Variants in PPM1L observed in about 807,000 individuals in gnomAD.
PPM1L encodes protein phosphatase, Mg2+/Mn2+ dependent 1L.
PPM1L carries 13 observed loss-of-function variants against 31.4 expected under a neutral mutation model. The observed-to-expected ratio is 0.41, with a 90% CI of 0.27 to 0.66. The LOEUF (loss-of-function observed/expected upper bound fraction) is 0.66, where lower values mean the gene tolerates loss of function less well. Ranked by LOEUF, PPM1L falls within the 30% of genes least tolerant of loss-of-function variation. The pLI is 0.29. For synonymous variants in PPM1L, 184 were observed against 175.4 expected, an observed-to-expected ratio of 1.05 and a Z score of -0.39; for missense variants, 326 against 453.7, an observed-to-expected ratio of 0.72 and a Z score of 2.56.
chr3:160,815,291 G>A (rs545123493), intron 1 of PPM1L, among the ~76,000 whole-genome samples: 20 of 152,138 alleles, frequency 1.3e-4, no homozygotes, highest in Admixed American at 5.2e-4. Flanking sequence ...ACTCTTTTAC[G>A]AGGCTATATT....
intron 2 of PPM1L, among the ~76,000 whole-genome samples, chr3:161,037,660 G>A (rs1043400548): frequency 7.0e-6 from 1 of 141,890 alleles, no homozygotes; most frequent in African/African-American, 2.6e-5. Context: ...TTGAACTCCC[G>A]ACCTCAGGTG....
chr3:160,855,307 A>G (rs949748810), intron 1 of PPM1L, among the ~76,000 whole-genome samples: 1 of 152,200 alleles, frequency 6.6e-6, no homozygotes, highest in African/African-American at 2.4e-5. Context: ...TTCTGGACAT[A>G]GGCTCTGGCA....
intron 1 of PPM1L, among the ~76,000 whole-genome samples, chr3:160,922,199 A>G (rs1447466480): frequency 1.3e-5 from 2 of 152,142 alleles, no homozygotes; most frequent in Non-Finnish European, 1.5e-5. Context: ...AGTCCCAGCT[A>G]CTTGGGAGGC....
At chr3:161,006,836 C>T (rs532841953) in intron 2 of PPM1L, among the ~76,000 whole-genome samples, 9 of 152,148 alleles carry the variant, frequency 5.9e-5, no homozygotes, top group African/African-American at 2.2e-4. Context: ...GCACCCGCCA[C>T]CACGCCCAGC....
chr3:160,808,152 C>T (rs1443331506), intron 1 of PPM1L, among the ~76,000 whole-genome samples: 1 of 152,174 alleles, frequency 6.6e-6, no homozygotes, highest in Non-Finnish European at 1.5e-5. Context: ...ACTGAATTGG[C>T]AGCAGTGCCT....
intron 2 of PPM1L, among the ~76,000 whole-genome samples, chr3:160,990,521 C>A (rs1305398972): frequency 1.3e-5 from 2 of 152,134 alleles, no homozygotes; most frequent in East Asian, 3.8e-4. Flanking sequence ...GATGTGTGTA[C>A]ACAGATGTAC....
At chr3:160,872,032 A>G (rs945610942) in intron 1 of PPM1L, among the ~76,000 whole-genome samples, 2 of 152,126 alleles carry the variant, frequency 1.3e-5, no homozygotes, top group Non-Finnish European at 2.9e-5. Flanking sequence ...ACCCAGAACA[A>G]TCTTTTCCTG....
chr3:160,774,958 G>A (rs116834458), intron 1 of PPM1L, among the ~76,000 whole-genome samples: 2,110 of 152,244 alleles, frequency 0.014, 37 homozygotes, highest in Non-Finnish European at 0.02. Context: ...AAATAATGAT[G>A]TCTAACAAAT....
chr3:161,027,855 C>T (rs1427558799), intron 2 of PPM1L, among the ~76,000 whole-genome samples: 1 of 152,142 alleles, frequency 6.6e-6, no homozygotes, highest in Admixed American at 6.5e-5. Context: ...CTCAGCTGGT[C>T]AAGCTGAGAA....
chr3:160,941,284 G>A (rs1715152926), intron 1 of PPM1L, among the ~76,000 whole-genome samples: 1 of 152,140 alleles, frequency 6.6e-6, no homozygotes, highest in Non-Finnish European at 1.5e-5. Flanking sequence ...ATGCTGAAAT[G>A]AGTTAAGACT....
At chr3:160,769,468 A>G (rs1162309416) in intron 1 of PPM1L, among the ~76,000 whole-genome samples, 1 of 152,174 alleles carries the variant, frequency 6.6e-6, no homozygotes, top group African/African-American at 2.4e-5. Context: ...TTAGGGCCCC[A>G]TCAAGTCTTA....
chr3:160,910,479 T>G (rs1702010672), intron 1 of PPM1L, among the ~76,000 whole-genome samples: 1 of 151,820 alleles, frequency 6.6e-6, no homozygotes. Context: ...ACCTGGCTAA[T>G]TTTTGTATTT....
Position 160,927,627 on chromosome 3 carries a change from T to C in PPM1L, c.400-34109T>C, listed in dbSNP as rs112308673. Among the ~76,000 whole-genome samples the C allele has an allele frequency of 8.2e-3, 1,241 of 151,920 alleles. 13 individuals carry two copies. The highest frequency in any genetic ancestry group is 0.027 in the African/African-American group (1,127 of 41,370). On this transcript the variant is annotated intron_variant, in intron 1 of 3. Coordinates refer to ENST00000498165, the MANE Select transcript of PPM1L (RefSeq NM_139245.4). ...CCCTATGTGTGTGTGTGTGTGTGTG[T>C]GCGTGCGTGTGCGTGCGCGCGCATG... is the stretch of plus-strand genomic sequence containing the variant.
chr3:160,953,589 G>T (rs1459977058), intron 1 of PPM1L, among the ~76,000 whole-genome samples: 1 of 152,110 alleles, frequency 6.6e-6, no homozygotes, highest in African/African-American at 2.4e-5. Context: ...GTTTACTTGT[G>T]ATCTTTTTCT....
rs1326023145 is a variant in PPM1L at position 161,069,197 on chromosome 3, T to A, written c.*40T>A. On this transcript the variant is annotated 3_prime_UTR_variant, in exon 4 of 4. Coordinates refer to ENST00000498165, the MANE Select transcript of PPM1L (RefSeq NM_139245.4). Reference sequence around the variant, plus strand: ...TCAGCTGCCTTAGACTAAAGGACTTTCAACACACTGGTCTCTTTTAATTTA... The same window carrying A: ...TCAGCTGCCTTAGACTAAAGGACTTACAACACACTGGTCTCTTTTAATTTA... 10 of 1,416,010 alleles carry A rather than the reference T, an allele frequency of 7.1e-6. No individual in the cohort carries two copies. Among genetic ancestry groups the A allele is most frequent in the Admixed American group, 2.0e-5 (1 of 49,618 alleles). 87.7% of individuals were successfully genotyped at this position (1,416,010 alleles called of 1,614,324 possible).
At chr3:160,816,605 T>C (rs1713002116) in intron 1 of PPM1L, among the ~76,000 whole-genome samples, 1 of 151,980 alleles carries the variant, frequency 6.6e-6, no homozygotes, top group Admixed American at 6.6e-5. Context: ...AGTTCTTTTC[T>C]GTAGATATGT....
intron 1 of PPM1L, among the ~76,000 whole-genome samples, chr3:160,843,444 ATATATATATATATATATATATAT>A (rs1713965274): frequency 9.4e-6 from 1 of 106,668 alleles, no homozygotes; most frequent in Non-Finnish European, 2.0e-5. Context: ...ATATATATAT[ATATATATATATATATATATATAT>A]ATGTTTTTTT....
rs1720075240 is a variant in PPM1L at position 161,075,699 on chromosome 3, A to AAATT, written c.*6545_*6548dup. The AAATT allele has an allele frequency of 1.3e-5, 2 of 152,224 alleles. No individual in the cohort carries two copies. The highest frequency in any genetic ancestry group is 4.1e-4 in the South Asian group (2 of 4,830). 9.4% of individuals were successfully genotyped at this position (152,224 alleles called of 1,614,324 possible). A position where few individuals can be genotyped will look rare whatever the true frequency, so the allele number is the denominator to read the frequency against. ...AGAGTAATATAAAAGGAAATATTTT[A>AAATT]AATTAAGAAAAGGAGGTGTTATAGT... On this transcript the variant is annotated 3_prime_UTR_variant, in exon 4 of 4. Coordinates refer to ENST00000498165, the MANE Select transcript of PPM1L (RefSeq NM_139245.4).
intron 1 of PPM1L, among the ~76,000 whole-genome samples, chr3:160,928,084 T>C (rs1273129056): frequency 6.6e-6 from 1 of 152,146 alleles, no homozygotes; most frequent in Non-Finnish European, 1.5e-5. Context: ...CTCTAGAAAA[T>C]ATTTTAAAGG....
Sources: gnomAD v4.1 joint callset for allele counts (sites outside exome capture counted in the v4.1 genomes callset) on GRCh38, gnomAD v4.1.1 for gene constraint, MANE v1.5 for transcripts, NCBI Gene and HGNC (gene_info 2026-07-23, HGNC 2026-07-21) for gene names.